The following PSD3 variants were observed in gnomAD, a reference collection of about 807,000 sequenced individuals.
The protein encoded by PSD3 is PH and SEC7 domain-containing protein 3.
A neutral mutation model predicts 105.5 loss-of-function variants in PSD3; 49 were observed. The ratio of observed to expected loss-of-function variants is 0.46; its 90% CI spans 0.37 to 0.59. The LOEUF (loss-of-function observed/expected upper bound fraction) is 0.59, where lower values mean the gene tolerates loss of function less well. PSD3 is among the 20% of genes least tolerant of loss of function. The probability of loss-of-function intolerance (pLI) is 0.00; values close to 1 mark genes in which losing one functional copy is unlikely to be tolerated. For synonymous variants in PSD3, 557 were observed against 457.8 expected (o/e 1.22, Z -2.77); for missense variants, 1,561 against 1,263.8 (o/e 1.24, Z -3.57).
chr8:18,720,751 T>C (rs79697401), intron 9 of PSD3, among the ~76,000 whole-genome samples: 4,257 of 152,190 alleles, frequency 0.028, 130 homozygotes, highest in East Asian at 0.13. Context: ...CGCCGATGCA[T>C]TTGCTCAGTG....
intron 9 of PSD3, among the ~76,000 whole-genome samples, chr8:18,709,550 T>G (rs60462258): frequency 0.022 from 3,346 of 152,244 alleles, 104 homozygotes; most frequent in African/African-American, 0.074. Context: ...AGGTGAAACC[T>G]CCCAACAGAA....
chr8:18,826,757 C>A (rs1034531819), intron 4 of PSD3, among the ~76,000 whole-genome samples: 1 of 152,152 alleles, frequency 6.6e-6, no homozygotes, highest in Non-Finnish European at 1.5e-5. Context: ...TATAAACACC[C>A]AGGATCAACT....
chr8:18,556,396 AGTC>A, intron 14 of PSD3, 44 bp from the exon 15 acceptor site: 1 of 1,575,506 alleles, frequency 6.3e-7, no homozygotes, highest in Non-Finnish European at 8.6e-7. Context: ...AAAAAAAACA[AGTC>A]AATAACAAAG....
intron 9 of PSD3, among the ~76,000 whole-genome samples, chr8:18,748,542 C>T (rs1378979131): frequency 1.3e-5 from 2 of 151,816 alleles, no homozygotes; most frequent in African/African-American, 2.4e-5. Flanking sequence ...CGCCTGTAGT[C>T]CCAGCTACTC....
intron 11 of PSD3, among the ~76,000 whole-genome samples, chr8:18,616,628 C>CTTTTCTTTTTTTTTT: frequency 7.9e-6 from 1 of 126,804 alleles, no homozygotes; most frequent in Admixed American, 8.3e-5. Flanking sequence ...CTTTTCTTTT[C>CTTTTCTTTTTTTTTT]TTTTTTTTTT....
intron 2 of PSD3, among the ~76,000 whole-genome samples, chr8:18,890,823 G>A (rs1042464264): frequency 2.0e-5 from 3 of 151,986 alleles, no homozygotes; most frequent in Admixed American, 2.0e-4. Context: ...GTAAGGGTGG[G>A]GGAGGGGGAA....
At chr8:18,767,360 G>A (rs1465549970) in intron 8 of PSD3, among the ~76,000 whole-genome samples, 1 of 152,188 alleles carries the variant, frequency 6.6e-6, no homozygotes, top group Non-Finnish European at 1.5e-5. Context: ...CATCTGTTAC[G>A]AGTGCAGGAG....
intron 1 of PSD3, among the ~76,000 whole-genome samples, chr8:18,958,898 G>C (rs1400007989): frequency 1.3e-5 from 2 of 149,816 alleles, no homozygotes; most frequent in East Asian, 3.9e-4. Context: ...ATACAAACAG[G>C]ATACAGAGGA....
chr8:18,799,206 C>T (rs545901730), intron 8 of PSD3, 89 bp downstream of exon 8: 54 of 1,169,708 alleles, frequency 4.6e-5, no homozygotes, highest in African/African-American at 3.9e-4. Flanking sequence ...GAATGGGAAA[C>T]GGGGAGGCAG....
chr8:19,054,603 A>G (rs1318461292), intron 1 of PSD3, among the ~76,000 whole-genome samples: 3 of 152,196 alleles, frequency 2.0e-5, no homozygotes, highest in Non-Finnish European at 4.4e-5. Context: ...CTGAAAATGC[A>G]GTAAAGAATC....
At chr8:18,595,374 G>A (rs1585338074) in intron 12 of PSD3, among the ~76,000 whole-genome samples, 2 of 151,062 alleles carry the variant, frequency 1.3e-5, no homozygotes, top group Non-Finnish European at 1.5e-5. Flanking sequence ...TTTCTCTATC[G>A]ATAATTACTT....
At chr8:18,718,039 G>C (rs1802711654) in intron 9 of PSD3, among the ~76,000 whole-genome samples, 1 of 152,074 alleles carries the variant, frequency 6.6e-6, no homozygotes, top group Non-Finnish European at 1.5e-5. Flanking sequence ...TCTGTCCAAG[G>C]GTTTAACAGT....
intron 14 of PSD3, among the ~76,000 whole-genome samples, chr8:18,571,736 A>G (rs1265279338): frequency 6.6e-6 from 1 of 152,342 alleles, no homozygotes; most frequent in East Asian, 1.9e-4. Flanking sequence ...TCAAAGATGT[A>G]TAGGGAGCTA....
chr8:18,544,011 C>T (rs1800297536), intron 15 of PSD3, among the ~76,000 whole-genome samples: 1 of 152,054 alleles, frequency 6.6e-6, no homozygotes, highest in South Asian at 2.1e-4. Flanking sequence ...ACTGCTCTAG[C>T]AACCAAATCC....
chr8:18,861,109 A>C (rs937659051), intron 4 of PSD3, among the ~76,000 whole-genome samples: 1 of 152,146 alleles, frequency 6.6e-6, no homozygotes, highest in Non-Finnish European at 1.5e-5. Context: ...AGAGGCACCA[A>C]ACAGACAGGG....
intron 9 of PSD3, among the ~76,000 whole-genome samples, chr8:18,731,023 C>T (rs973158618): frequency 1.3e-5 from 2 of 151,982 alleles, no homozygotes; most frequent in African/African-American, 4.8e-5. Flanking sequence ...AGAAAATTCA[C>T]CCCTTTACCT....
intron 10 of PSD3, among the ~76,000 whole-genome samples, chr8:18,650,160 T>G (rs1808371100): frequency 6.6e-6 from 1 of 152,222 alleles, no homozygotes; most frequent in South Asian, 2.1e-4. Context: ...AATACTGAAC[T>G]TATTTTATTT....
At chr8:18,698,605 C>G (rs1338680590) in intron 9 of PSD3, among the ~76,000 whole-genome samples, 1 of 152,202 alleles carries the variant, frequency 6.6e-6, no homozygotes, top group African/African-American at 2.4e-5. Flanking sequence ...GAATACAGCC[C>G]TGCCAACCCA....
intron 1 of PSD3, among the ~76,000 whole-genome samples, chr8:18,968,330 A>G (rs1824414999): frequency 6.6e-6 from 1 of 152,238 alleles, no homozygotes; most frequent in East Asian, 1.9e-4. Flanking sequence ...CTTTTCAAGA[A>G]GACTTTAAAC....
Sources: allele counts gnomAD v4.1 joint callset (sites outside exome capture counted in the v4.1 genomes callset), GRCh38; gene constraint gnomAD v4.1.1; transcripts MANE v1.5; gene names NCBI Gene and HGNC (gene_info 2026-07-23, HGNC 2026-07-21).